The following LMTK2 variants were observed in gnomAD, a reference collection of about 807,000 sequenced individuals.
The protein encoded by LMTK2 is lemur tail kinase 2.
Under a neutral mutation model 127.5 loss-of-function variants are expected in LMTK2, and 37 were observed. The ratio of observed to expected loss-of-function variants is 0.29; its 90% confidence interval spans 0.22 to 0.38. The LOEUF (loss-of-function observed/expected upper bound fraction) is 0.38. LMTK2 is among the 10% of genes least tolerant of loss of function. LMTK2 has a pLI of 1.00. For synonymous variants in LMTK2, 819 were observed against 810.1 expected (o/e 1.01, Z -0.19); for missense variants, 1,694 against 1,920.3 (o/e 0.88, Z 2.20).
intron 5 of LMTK2, among the ~76,000 whole-genome samples, chr7:98,156,075 G>A (rs1023674714): frequency 2.0e-5 from 3 of 151,990 alleles, no homozygotes; most frequent in East Asian, 1.9e-4. Flanking sequence ...ACATTTCACC[G>A]AAGAGGAGAT....
At chr7:98,158,858 C>A (rs1240288952) in intron 5 of LMTK2, among the ~76,000 whole-genome samples, 4 of 152,134 alleles carry the variant, frequency 2.6e-5, no homozygotes, top group African/African-American at 9.7e-5. Flanking sequence ...CTTTTAAATG[C>A]TGCTTTAAAA....
chr7:98,174,043 G>A (rs1005709764), intron 7 of LMTK2, among the ~76,000 whole-genome samples: 2 of 149,748 alleles, frequency 1.3e-5, no homozygotes, highest in African/African-American at 4.9e-5. Context: ...GTGACAGAGC[G>A]AGATTCTGTC....
intron 2 of LMTK2, among the ~76,000 whole-genome samples, chr7:98,140,186 TTC>T (rs1562902932): frequency 4.7e-5 from 2 of 42,530 alleles, no homozygotes; most frequent in African/African-American, 1.3e-4. Flanking sequence ...CTTTTCTTTC[TTC>T]TTTCTGTCTT....
chr7:98,131,751 T>G (rs553792006), intron 1 of LMTK2, among the ~76,000 whole-genome samples: 2 of 152,294 alleles, frequency 1.3e-5, no homozygotes, highest in Admixed American at 6.5e-5. Flanking sequence ...ACAAAAACTG[T>G]GGGCAGGATT....
intron 8 of LMTK2, among the ~76,000 whole-genome samples, chr7:98,185,357 T>A (rs1797418904): frequency 6.6e-6 from 1 of 152,210 alleles, no homozygotes; most frequent in African/African-American, 2.4e-5. Flanking sequence ...AAAGTTTCGT[T>A]TAAAAATATT....
intron 6 of LMTK2, among the ~76,000 whole-genome samples, chr7:98,160,273 T>C (rs1054153121): frequency 2.6e-5 from 4 of 152,234 alleles, no homozygotes; most frequent in Admixed American, 6.5e-5. Flanking sequence ...CAAATAATAT[T>C]TTCATCTGTT....
At chr7:98,190,168 T>C (rs905355630) in intron 9 of LMTK2, among the ~76,000 whole-genome samples, 6 of 152,240 alleles carry the variant, frequency 3.9e-5, no homozygotes, top group Non-Finnish European at 5.9e-5. Flanking sequence ...TTTGTACTTT[T>C]TTCATTGGCC....
At position 98,206,584 on chromosome 7, in the gene LMTK2, TC is replaced by T. The variant is rs1460305556; in HGVS notation, c.*1094del. On this transcript the variant is annotated 3_prime_UTR_variant, in exon 14 of 14. Transcript: ENST00000297293. ...CCAGGCTGCTGGGAAGCTTCCGTGT[TC>T]CTGTCAGTCCTTCCTTCAAGAAGCC... 6.6e-6 allele frequency: 1 copy of T among 152,238 alleles called. No homozygotes were observed. Among genetic ancestry groups the T allele is most frequent in the Non-Finnish European group, 1.5e-5 (1 of 68,076 alleles). The allele number at this position is 152,238 out of a possible 1,614,324, so 9.4% of individuals were successfully genotyped here. A position where few individuals can be genotyped will look rare whatever the true frequency, so the allele number is the denominator to read the frequency against.
intron 1 of LMTK2, among the ~76,000 whole-genome samples, chr7:98,128,870 T>C (rs528847258): frequency 1.1e-4 from 16 of 152,152 alleles, no homozygotes; most frequent in South Asian, 2.1e-4. Flanking sequence ...TTTGAGATAA[T>C]GTATTTCTTA....
chr7:98,173,973 G>A (rs751445815), intron 7 of LMTK2, among the ~76,000 whole-genome samples: 1 of 151,954 alleles, frequency 6.6e-6, no homozygotes, highest in African/African-American at 2.4e-5. Context: ...GGAGAATGGC[G>A]TGAACCCGGG....
At position 98,204,019 on chromosome 7, in the gene LMTK2, C is replaced by T. The variant is rs1202131037; in HGVS notation, c.4316C>T (p.Ser1439Phe). ...AAGACAACAAGTAACCTGCTCAGCT[C>T]CAAGCCTTCTCTCCAAACATCCAAG... ...MSKTTSNLLS[S>F]KPSLQTSKYF... The change falls in exon 13 of 14, where the codon TCC becomes TTC. Residue 1439 changes from serine to phenylalanine, a missense_variant. This residue lies in a region of LMTK2 where 554 missense variants were observed against 567.7 expected (regional missense o/e 0.98). Coordinates refer to ENST00000297293, the MANE Select transcript of LMTK2 (RefSeq NM_014916.4). The T allele has an allele frequency of 1.2e-6, 2 of 1,614,106 alleles. No homozygotes were observed. Among genetic ancestry groups the T allele is most frequent in the African/African-American group, 2.7e-5 (2 of 74,932 alleles).
intron 1 of LMTK2, among the ~76,000 whole-genome samples, chr7:98,124,598 C>T (rs1235802481): frequency 1.3e-5 from 2 of 152,060 alleles, no homozygotes; most frequent in Non-Finnish European, 1.5e-5. Context: ...CCAGCCTGGG[C>T]AATGTAGTAA....
intron 6 of LMTK2, among the ~76,000 whole-genome samples, chr7:98,160,148 G>T (rs1562909554): frequency 6.6e-6 from 1 of 152,116 alleles, no homozygotes; most frequent in Non-Finnish European, 1.5e-5. Context: ...GCTGTTAATT[G>T]GATGAGTCAG....
chr7:98,116,507 G>A (rs955306236), intron 1 of LMTK2, among the ~76,000 whole-genome samples: 18 of 151,970 alleles, frequency 1.2e-4, no homozygotes, highest in African/African-American at 4.4e-4. Flanking sequence ...TTGCGGACTT[G>A]ACTTCCCATG....
Position 98,171,486 on chromosome 7 carries a change from C to T in LMTK2, c.658-55C>T, listed in dbSNP as rs759541953. The T allele has an allele frequency of 1.6e-5, 25 of 1,611,482 alleles. No homozygotes were observed. Among genetic ancestry groups the T allele is most frequent in the South Asian group, 3.3e-5 (3 of 91,034 alleles). Reference sequence around the variant, plus strand: ...GTGTTCACCGAGGCACGTATTTAAGCGCTCACTTTATTCCTGTGGCTCGTT... The same window carrying T: ...GTGTTCACCGAGGCACGTATTTAAGTGCTCACTTTATTCCTGTGGCTCGTT... On this transcript the variant is annotated intron_variant, in intron 6 of 13. Transcript: ENST00000297293. This position sits in a 1 kb window ranked among gnomAD's most constrained non-coding sequence, Gnocchi z 5.1.
chr7:98,138,789 A>G (rs1015983344), intron 2 of LMTK2, among the ~76,000 whole-genome samples: 1 of 152,182 alleles, frequency 6.6e-6, no homozygotes, highest in Non-Finnish European at 1.5e-5. Flanking sequence ...GCCTTAGATC[A>G]TGCAAAGCTT....
At chr7:98,142,996 G>T (rs1218719543) in intron 3 of LMTK2, among the ~76,000 whole-genome samples, 9 of 152,300 alleles carry the variant, frequency 5.9e-5, no homozygotes, top group Non-Finnish European at 1.2e-4. Flanking sequence ...CATTCTGGTT[G>T]TCTTCACCTA....
Position 98,193,502 on chromosome 7 carries a change from T to C in LMTK2, c.3037T>C (p.Leu1013=). ...TGTCCACGAAGCGCTACTGGACTCT[T>C]TAGGATCTCACACTCCCCAGAAACT... ...VDVHEALLDS[L]GSHTPQKLVP... The change falls in exon 11 of 14, where the codon TTA becomes CTA. Residue 1013 remains leucine, a synonymous_variant. Transcript: ENST00000297293. This position sits in a 1 kb window ranked among gnomAD's most constrained non-coding sequence, Gnocchi z 4.1. 1 of 1,614,048 alleles carries C rather than the reference T, an allele frequency of 6.2e-7. No individual in the cohort carries two copies. The highest frequency in any genetic ancestry group is 1.7e-5 in the Admixed American group (1 of 60,010).
intron 6 of LMTK2, among the ~76,000 whole-genome samples, chr7:98,167,615 T>C (rs1291293019): frequency 6.6e-6 from 1 of 152,188 alleles, no homozygotes; most frequent in Admixed American, 6.5e-5. Context: ...TCTGACGCAC[T>C]TGGAAAACGG....
Sources: allele counts gnomAD v4.1 joint callset (sites outside exome capture counted in the v4.1 genomes callset), GRCh38; gene constraint gnomAD v4.1.1; regional missense constraint gnomAD v4.1.1; non-coding constraint Gnocchi (gnomAD v3.1); transcripts MANE v1.5; gene names NCBI Gene and HGNC (gene_info 2026-07-23, HGNC 2026-07-21).